The following NDUFAF3 variants were observed in gnomAD, a reference collection of about 807,000 sequenced individuals.
The protein encoded by NDUFAF3 is NADH dehydrogenase [ubiquinone] 1 alpha subcomplex assembly factor 3.
NDUFAF3 carries 21 observed loss-of-function variants against 22.6 expected under a neutral mutation model. The observed-to-expected ratio is 0.93, with a 90% CI of 0.66 to 1.34. The LOEUF (loss-of-function observed/expected upper bound fraction) is 1.34. Among genes scored for constraint, NDUFAF3 ranks in the 40% most tolerant of loss-of-function variants. The probability of loss-of-function intolerance (pLI) is 0.00; values close to 1 mark genes in which losing one functional copy is unlikely to be tolerated. For missense variants in NDUFAF3, 251 were observed against 248.4 expected (o/e 1.01, Z -0.07); for synonymous variants, 113 against 104.9 (o/e 1.08, Z -0.47).
In NDUFAF3 at chr3:49,022,295, C is replaced by T; in HGVS notation, c.78-51C>T. 6.2e-7 allele frequency: 1 copy of T among 1,606,982 alleles called. No individual in the cohort carries two copies. Among genetic ancestry groups the T allele is most frequent in the Non-Finnish European group, 8.5e-7 (1 of 1,178,114 alleles). On this transcript the variant is annotated intron_variant, in intron 1 of 4. Coordinates refer to ENST00000326925, the MANE Select transcript of NDUFAF3 (RefSeq NM_199069.2). This position sits in a 1 kb window ranked among gnomAD's most constrained non-coding sequence, Gnocchi z 6.6. ...GACTGCCAGCCCAGCACCTTCCGGC[C>T]TCTCGGGCTGCCCGGCCCGGCCCCG...
upstream of NDUFAF3, chr3:49,022,005 C>A (rs2093162539): frequency 2.3e-6 from 2 of 876,188 alleles, no homozygotes; most frequent in African/African-American, 1.7e-5. The surrounding 1 kb of genome is among the most constrained non-coding windows in gnomAD (Gnocchi z 6.6). Context: ...TGAGGACACT[C>A]GCCTGCTGGG....
chr3:49,022,985 C>T lies in NDUFAF3; in HGVS notation c.438+9C>T, dbSNP rs374825937. On this transcript the variant is annotated intron_variant, in intron 4 of 4. Coordinates refer to ENST00000326925, the MANE Select transcript of NDUFAF3 (RefSeq NM_199069.2). This position sits in a 1 kb window ranked among gnomAD's most constrained non-coding sequence, Gnocchi z 6.6. ...TGGAAGTGCAGGACACGGTGAGTCC[C>T]GGGACTGGGGCATGCTGCGGGGAGC... 4.2e-5 allele frequency: 67 copies of T among 1,613,930 alleles called. No homozygotes were observed. The highest frequency in any genetic ancestry group is 3.8e-5 in the Non-Finnish European group (45 of 1,179,988).
chr3:49,022,109 G>T, upstream of NDUFAF3: 1 of 1,592,694 alleles, frequency 6.3e-7, no homozygotes, highest in Non-Finnish European at 8.5e-7. This position sits in a 1 kb window ranked among gnomAD's most constrained non-coding sequence, Gnocchi z 6.6. Flanking sequence ...GGGGACTAAC[G>T]GCGCCGGTGA....
Position 49,023,402 on chromosome 3 carries a change from C to T in NDUFAF3, c.*230C>T. 3.4e-6 allele frequency: 2 copies of T among 585,374 alleles called. No individual in the cohort carries two copies. Among genetic ancestry groups the T allele is most frequent in the South Asian group, 1.9e-5 (1 of 51,750 alleles). The allele number at this position is 585,374 out of a possible 1,614,324, so 36.3% of individuals were successfully genotyped here. ...ATCTAGATTACTTAGGATTCCTTGA[C>T]TTTTCAGAAGTCGGGAAGCAGTATG... On this transcript the variant is annotated 3_prime_UTR_variant, in exon 5 of 5. Coordinates refer to ENST00000326925, the MANE Select transcript of NDUFAF3 (RefSeq NM_199069.2).
At chr3:49,020,709 G>A, upstream of NDUFAF3, 1 of 486,534 alleles carries the variant, frequency 2.1e-6, no homozygotes, top group Non-Finnish European at 4.2e-6. Flanking sequence ...CTGTCCAGCC[G>A]TTGGCGGGGG....
upstream of NDUFAF3, chr3:49,021,832 C>T (rs1033891271): frequency 1.1e-5 from 5 of 459,570 alleles, no homozygotes; most frequent in African/African-American, 8.4e-5. The surrounding 1 kb of genome is among the most constrained non-coding windows in gnomAD (Gnocchi z 4.1). Context: ...GCTGAGAGCC[C>T]GGGGGCCAGG....
At chr3:49,021,752 C>T, upstream of NDUFAF3, 1 of 294,222 alleles carries the variant, frequency 3.4e-6, no homozygotes, top group Non-Finnish European at 6.5e-6. The surrounding 1 kb of genome is among the most constrained non-coding windows in gnomAD (Gnocchi z 4.1). Flanking sequence ...GTCTGGCACC[C>T]ACCGCCTGGC....
At position 49,022,906 on chromosome 3, in the gene NDUFAF3, C is replaced by T; in HGVS notation, c.368C>T (p.Thr123Ile). The part of the protein sequence containing the change: ...EIVVVGTGDR[T>I]ERLQSQVLQA... ...GTGGTGGTGGGGACTGGAGACCGGACCGAGAGGCTGCAGTCCCAGGTGCTT... is the reference window on the plus strand; with the variant it reads ...GTGGTGGTGGGGACTGGAGACCGGATCGAGAGGCTGCAGTCCCAGGTGCTT... Residue 123 changes from threonine to isoleucine, a missense_variant, in exon 4 of 5, where the codon ACC becomes ATC. By Grantham distance (89) the Thr-to-Ile change is moderately conservative. Transcript: ENST00000326925. The surrounding 1 kb of genome is among the most constrained non-coding windows in gnomAD (Gnocchi z 6.6). 2 of 1,613,984 alleles carry T rather than the reference C, an allele frequency of 1.2e-6. No homozygotes were observed. The highest frequency in any genetic ancestry group is 1.7e-6 in the Non-Finnish European group (2 of 1,180,030).
rs2093172492 is a variant in NDUFAF3 at position 49,022,658 on chromosome 3, G to C, written c.271-44G>C. On this transcript the variant is annotated intron_variant, in intron 2 of 4. Coordinates refer to ENST00000326925, the MANE Select transcript of NDUFAF3 (RefSeq NM_199069.2). This position sits in a 1 kb window ranked among gnomAD's most constrained non-coding sequence, Gnocchi z 6.6. ...CTGCAGTGGATGGAGATGGGGAGAGGCTGCGTGGATTTGTCGTATTAAATG... is the reference window on the plus strand; with the variant it reads ...CTGCAGTGGATGGAGATGGGGAGAGCCTGCGTGGATTTGTCGTATTAAATG... 6.2e-7 allele frequency: 1 copy of C among 1,613,568 alleles called. No homozygotes were observed. The highest frequency in any genetic ancestry group is 8.5e-7 in the Non-Finnish European group (1 of 1,179,642).
rs1237286136 is a variant in NDUFAF3 at position 49,022,693 on chromosome 3, C to A, written c.271-9C>A. ...TTTGTCGTATTAAATGTGCCTCCTCCCTGCACAGGTGGGATCCCACCAGGA... is the reference window on the plus strand; with the variant it reads ...TTTGTCGTATTAAATGTGCCTCCTCACTGCACAGGTGGGATCCCACCAGGA... On this transcript the variant is annotated splice_polypyrimidine_tract_variant and intron_variant, in intron 2 of 4. Transcript: ENST00000326925. The surrounding 1 kb of genome is among the most constrained non-coding windows in gnomAD (Gnocchi z 6.6). 6.2e-7 allele frequency: 1 copy of A among 1,613,996 alleles called. No individual in the cohort carries two copies. Among genetic ancestry groups the A allele is most frequent in the Non-Finnish European group, 8.5e-7 (1 of 1,180,030 alleles).
chr3:49,021,974 G>A (rs577773567), upstream of NDUFAF3: 4 of 675,130 alleles, frequency 5.9e-6, no homozygotes, highest in East Asian at 5.6e-5. The surrounding 1 kb of genome is among the most constrained non-coding windows in gnomAD (Gnocchi z 4.1). Flanking sequence ...CCGGAGGTCG[G>A]GGAACTCGGC....
At position 49,023,161 on chromosome 3, in the gene NDUFAF3, G is replaced by A. The variant is rs1490334165; in HGVS notation, c.544G>A (p.Ala182Thr). 1 of 1,613,494 alleles carries A rather than the reference G, an allele frequency of 6.2e-7. No homozygotes were observed. The highest frequency in any genetic ancestry group is 1.3e-5 in the African/African-American group (1 of 74,900). ...GACTTCACTTACATCTTTGGGCCAA[G>A]CTGCTCAATGAACCGCCAGGAACTG... ...GGTSLTSLGQ[A>T]AQ Residue 182 changes from alanine to threonine, a missense_variant, in exon 5 of 5, where the codon GCT (alanine) becomes ACT (threonine). Physicochemically the swap from Ala to Thr is moderately conservative, Grantham distance 58. Coordinates refer to ENST00000326925, the MANE Select transcript of NDUFAF3 (RefSeq NM_199069.2).
At chr3:49,020,574 T>A (rs1451385720), upstream of NDUFAF3, 1 of 470,522 alleles carries the variant, frequency 2.1e-6, no homozygotes. Flanking sequence ...CAGTAAAGTA[T>A]GTCTGGGGGT....
At position 49,022,213 on chromosome 3, in the gene NDUFAF3, G is replaced by A. The variant is rs2093165549; in HGVS notation, c.69G>A (p.Glu23=). The A allele has an allele frequency of 6.2e-7, 1 of 1,610,974 alleles. No individual in the cohort carries two copies. The highest frequency in any genetic ancestry group is 8.5e-7 in the Non-Finnish European group (1 of 1,179,644). The change falls in exon 1 of 5, where the codon GAG becomes GAA. Residue 23 remains glutamate, a synonymous_variant. Coordinates refer to ENST00000326925, the MANE Select transcript of NDUFAF3 (RefSeq NM_199069.2). The surrounding 1 kb of genome is among the most constrained non-coding windows in gnomAD (Gnocchi z 6.6). ...ARPSLRCPPV[E]LPWAPRRGHR... ...CCTCGCTGCGCTGTCCGCCCGTTGAGCTTCCCTGGTGAGCTTGGACCCCGC... is the reference window on the plus strand; with the variant it reads ...CCTCGCTGCGCTGTCCGCCCGTTGAACTTCCCTGGTGAGCTTGGACCCCGC...
Position 49,022,661 on chromosome 3 carries a change from G to C in NDUFAF3, c.271-41G>C, listed in dbSNP as rs1384076553. On this transcript the variant is annotated intron_variant, in intron 2 of 4. Coordinates refer to ENST00000326925, the MANE Select transcript of NDUFAF3 (RefSeq NM_199069.2). The surrounding 1 kb of genome is among the most constrained non-coding windows in gnomAD (Gnocchi z 6.6). ...CAGTGGATGGAGATGGGGAGAGGCT[G>C]CGTGGATTTGTCGTATTAAATGTGC... The C allele has an allele frequency of 6.2e-7, 1 of 1,613,724 alleles. No individual in the cohort carries two copies. Among genetic ancestry groups the C allele is most frequent in the East Asian group, 2.2e-5 (1 of 44,876 alleles).
chr3:49,021,965 C>T (rs977302340), upstream of NDUFAF3: 7 of 648,900 alleles, frequency 1.1e-5, no homozygotes, highest in East Asian at 1.4e-4. The surrounding 1 kb of genome is among the most constrained non-coding windows in gnomAD (Gnocchi z 4.1). Context: ...GGAGCTGCGC[C>T]GGAGGTCGGG....
upstream of NDUFAF3, chr3:49,020,538 T>A: frequency 2.2e-6 from 1 of 444,790 alleles, no homozygotes; most frequent in South Asian, 1.6e-5. Flanking sequence ...AGGGCGCAAC[T>A]GAGAGGAACT....
At position 49,022,436 on chromosome 3, in the gene NDUFAF3, G is replaced by A. The variant is rs1173837065; in HGVS notation, c.168G>A (p.Gln56=). The change falls in exon 2 of 5, where the codon CAG becomes CAA. Residue 56 remains glutamine, a synonymous_variant. Transcript: ENST00000326925. The surrounding 1 kb of genome is among the most constrained non-coding windows in gnomAD (Gnocchi z 6.6). ...CTCTGCTGCAACGCGAGGCCGCTCA[G>A]GCAATGTACATCGACAGCTACAACA... ...RISLLQREAA[Q]AMYIDSYNSR... The A allele has an allele frequency of 6.2e-7, 1 of 1,613,074 alleles. No individual in the cohort carries two copies. Among genetic ancestry groups the A allele is most frequent in the South Asian group, 1.1e-5 (1 of 91,092 alleles).
At chr3:49,020,779 C>A, upstream of NDUFAF3, 1 of 414,372 alleles carries the variant, frequency 2.4e-6, no homozygotes, top group Non-Finnish European at 5.2e-6. Flanking sequence ...CCCGCCCATC[C>A]CCAGTCCCAG....
Sources: gnomAD v4.1 joint callset for allele counts on GRCh38, gnomAD v4.1.1 for gene constraint, Gnocchi (gnomAD v3.1) non-coding constraint, MANE v1.5 for transcripts, NCBI Gene and HGNC (gene_info 2026-07-23, HGNC 2026-07-21) for gene names.